The following NRXN3 variants were observed in gnomAD, a reference collection of about 807,000 sequenced individuals.
NRXN3 encodes neurexin 3.
A neutral mutation model predicts 137.6 loss-of-function variants in NRXN3; 32 were observed. The ratio of observed to expected loss-of-function variants is 0.23; its 90% CI spans 0.18 to 0.31. NRXN3 has a LOEUF of 0.31. Ranked by LOEUF, NRXN3 falls within the 10% of genes least tolerant of loss-of-function variation. The pLI, the probability that NRXN3 is intolerant of heterozygous loss-of-function variation, is 1.00. For synonymous variants in NRXN3, 798 were observed against 784.5 expected (o/e 1.02, Z -0.29); for missense variants, 1,574 against 2,062.5 (o/e 0.76, Z 4.59).
chr14:78,510,033 CA>C (rs2096071680), intron 4 of NRXN3, among the ~76,000 whole-genome samples: 1 of 117,522 alleles, frequency 8.5e-6, no homozygotes, highest in Non-Finnish European at 1.7e-5. Context: ...CAGAACATGA[CA>C]AAATTTTATA....
Position 79,862,057 on chromosome 14 carries a change from T to C in NRXN3, c.*93T>C, listed in dbSNP as rs1429975659. The C allele has an allele frequency of 9.1e-7, 1 of 1,096,998 alleles. No homozygotes were observed. Among genetic ancestry groups the C allele is most frequent in the African/African-American group, 1.6e-5 (1 of 63,106 alleles). 68.0% of individuals were successfully genotyped at this position (1,096,998 alleles called of 1,614,324 possible). ...GGTGAGATCTCACAGATGTCAGAACTGCTGGAACTATGAAATGGGGTATAT... is the reference window on the plus strand; with the variant it reads ...GGTGAGATCTCACAGATGTCAGAACCGCTGGAACTATGAAATGGGGTATAT... On this transcript the variant is annotated 3_prime_UTR_variant, in exon 21 of 21. Transcript: ENST00000335750.
At chr14:78,925,901 C>T (rs1007165871) in intron 10 of NRXN3, among the ~76,000 whole-genome samples, 1 of 152,114 alleles carries the variant, frequency 6.6e-6, no homozygotes, top group African/African-American at 2.4e-5. Flanking sequence ...ACAATAGTCG[C>T]CCATTGTAGA....
intron 15 of NRXN3, among the ~76,000 whole-genome samples, chr14:79,123,229 G>A (rs570079592): frequency 2.1e-4 from 32 of 151,844 alleles, no homozygotes; most frequent in African/African-American, 6.0e-4. Context: ...GTGTGTGTGC[G>A]CGCGTGTGTG....
chr14:78,839,608 C>T (rs1015834877), intron 10 of NRXN3, among the ~76,000 whole-genome samples: 19 of 152,146 alleles, frequency 1.2e-4, no homozygotes, highest in African/African-American at 4.1e-4. Context: ...GACTACTCTT[C>T]GAGTGAGATA....
intron 16 of NRXN3, among the ~76,000 whole-genome samples, chr14:79,651,024 C>CAAAG (rs2098473283): frequency 6.6e-6 from 1 of 152,130 alleles, no homozygotes; most frequent in Admixed American, 6.5e-5. Context: ...TTGGATATTT[C>CAAAG]AAAGATTAAA....
At chr14:78,996,271 A>G (rs2099529908) in intron 15 of NRXN3, among the ~76,000 whole-genome samples, 1 of 152,190 alleles carries the variant, frequency 6.6e-6, no homozygotes, top group Non-Finnish European at 1.5e-5. Context: ...CGGCAACCCT[A>G]AAAGTAGATA....
At chr14:78,380,730 T>C (rs2088918791) in intron 4 of NRXN3, among the ~76,000 whole-genome samples, 1 of 152,170 alleles carries the variant, frequency 6.6e-6, no homozygotes, top group Non-Finnish European at 1.5e-5. Flanking sequence ...TGTTAATTTC[T>C]TACAGTAGTC....
At chr14:78,530,772 C>T (rs999331806) in intron 4 of NRXN3, among the ~76,000 whole-genome samples, 20 of 152,224 alleles carry the variant, frequency 1.3e-4, no homozygotes, top group African/African-American at 3.4e-4. Flanking sequence ...CCTTCCCAAA[C>T]TTTCAGGTTT....
intron 4 of NRXN3, among the ~76,000 whole-genome samples, chr14:78,424,481 C>T (rs1295624752): frequency 6.6e-6 from 1 of 152,194 alleles, no homozygotes; most frequent in African/African-American, 2.4e-5. Context: ...CTGTCATCGT[C>T]CCACTGTGGC....
At chr14:78,285,905 C>A (rs1243869472) in intron 3 of NRXN3, among the ~76,000 whole-genome samples, 1 of 152,096 alleles carries the variant, frequency 6.6e-6, no homozygotes, top group Non-Finnish European at 1.5e-5. Context: ...CAATTCCCAG[C>A]CAATTGCCTG....
intron 8 of NRXN3, among the ~76,000 whole-genome samples, chr14:78,758,084 T>G (rs1276553652): frequency 6.6e-6 from 1 of 152,122 alleles, no homozygotes; most frequent in Non-Finnish European, 1.5e-5. Flanking sequence ...GAGAATGAAG[T>G]TATCTTTTGT....
rs80168615 is a variant in NRXN3 at position 78,648,667 on chromosome 14, A to C, written c.1060-2498A>C. Reference sequence around the variant, plus strand: ...GTACACTACATAAGGCAGACTTTCTATGCTAGGTTTGATCTGTAAATGCTT... The same window carrying C: ...GTACACTACATAAGGCAGACTTTCTCTGCTAGGTTTGATCTGTAAATGCTT... On this transcript the variant is annotated intron_variant, in intron 5 of 20. Coordinates refer to ENST00000335750, the MANE Select transcript of NRXN3 (RefSeq NM_001330195.2). Among the ~76,000 whole-genome samples the C allele has an allele frequency of 3.1e-3, 467 of 152,324 alleles. 13 individuals carry two copies. The East Asian group carries it at 0.07, about 23-fold the overall frequency.
rs60538373 is a variant in NRXN3, at chr14:79,499,956, C to CATGTGTGT, written c.3444+32554_3444+32555insATGTGTGT. Among the ~76,000 whole-genome samples, 459 of 145,230 alleles carry CATGTGTGT rather than the reference C, an allele frequency of 3.2e-3. 2 individuals carry two copies. Among genetic ancestry groups the CATGTGTGT allele is most frequent in the African/African-American group, 0.011 (426 of 39,392 alleles). ...GGTTTTCTGTCAGTTATCTTAGGGT[C>CATGTGTGT]GTGTGTGTGTGTGTGTGTGTGTGTG... On this transcript the variant is annotated intron_variant, in intron 16 of 20. Coordinates refer to ENST00000335750, the MANE Select transcript of NRXN3 (RefSeq NM_001330195.2).
At chr14:78,756,191 T>G (rs1304391827) in intron 8 of NRXN3, among the ~76,000 whole-genome samples, 2 of 152,184 alleles carry the variant, frequency 1.3e-5, no homozygotes, top group African/African-American at 4.8e-5. Context: ...TTTTAACACT[T>G]TTAAATGGTT....
At chr14:79,375,649 AC>A (rs2153443198) in intron 15 of NRXN3, among the ~76,000 whole-genome samples, 2 of 152,254 alleles carry the variant, frequency 1.3e-5, no homozygotes, top group East Asian at 3.9e-4. Flanking sequence ...GGAGAAAAAT[AC>A]TGCTTAAATA....
chr14:79,079,135 T>G (rs531566479), intron 15 of NRXN3, among the ~76,000 whole-genome samples: 5 of 152,320 alleles, frequency 3.3e-5, no homozygotes, highest in Admixed American at 2.0e-4. Flanking sequence ...GGTACCTGTA[T>G]TCAGTTTCAC....
At chr14:79,227,221 C>A (rs1226970935) in intron 15 of NRXN3, among the ~76,000 whole-genome samples, 3 of 152,210 alleles carry the variant, frequency 2.0e-5, no homozygotes, top group African/African-American at 7.2e-5. Flanking sequence ...AGGTACCTGG[C>A]GTTGTTCTAG....
chr14:79,513,228 G>T (rs1277580089), intron 16 of NRXN3, among the ~76,000 whole-genome samples: 4 of 152,188 alleles, frequency 2.6e-5, no homozygotes, highest in African/African-American at 9.7e-5. Flanking sequence ...CCTGGAATAT[G>T]CAGTGTTTCT....
intron 16 of NRXN3, among the ~76,000 whole-genome samples, chr14:79,588,248 T>C (rs973406897): frequency 2.0e-5 from 3 of 152,224 alleles, no homozygotes; most frequent in African/African-American, 7.2e-5. Flanking sequence ...ACCTGTGGTC[T>C]ATCTGACTAC....
Sources: allele counts gnomAD v4.1 joint callset (sites outside exome capture counted in the v4.1 genomes callset), GRCh38; gene constraint gnomAD v4.1.1; transcripts MANE v1.5; gene names NCBI Gene and HGNC (gene_info 2026-07-23, HGNC 2026-07-21).